The following TSPAN19 variants were observed in gnomAD, a reference collection of about 807,000 sequenced individuals.
The protein encoded by TSPAN19 is tetraspanin 19, also known as tetraspanin-19.
In TSPAN19, 44 loss-of-function variants were observed where a neutral mutation model predicts 35.1. That is an observed-to-expected ratio of 1.25 (90% confidence interval 0.98 to 1.61). TSPAN19 has a LOEUF of 1.61. Among genes scored for constraint, TSPAN19 ranks in the 40% most tolerant of loss-of-function variants. The probability of loss-of-function intolerance (pLI) is 0.00; values close to 1 mark genes in which losing one functional copy is unlikely to be tolerated. For synonymous variants in TSPAN19, 79 were observed against 92.0 expected, an observed-to-expected ratio of 0.86 and a Z score of 0.81; for missense variants, 290 against 280.0, an observed-to-expected ratio of 1.04 and a Z score of -0.26.
intron 1 of TSPAN19, among the ~76,000 whole-genome samples, chr12:85,032,069 C>T (rs1457009816): frequency 6.6e-6 from 1 of 151,998 alleles, no homozygotes; most frequent in Non-Finnish European, 1.5e-5. Context: ...ATGGTAATCA[C>T]TGGAAATTTA....
At chr12:85,027,286 G>A (rs530499640) in intron 4 of TSPAN19, among the ~76,000 whole-genome samples, 36 of 152,160 alleles carry the variant, frequency 2.4e-4, no homozygotes, top group African/African-American at 8.4e-4. Context: ...TTATTAAAGA[G>A]GGGAGGAAAA....
rs1190525059 is a variant in TSPAN19 at position 85,015,973 on chromosome 12, T to C, written c.595-2A>G. ...TGCACTGATTTTATTTTCACAACCC[T>C]AAGAAAAAGAAGTTATTCAGATGGA... On this transcript the variant is annotated splice_acceptor_variant, in intron 7 of 8. Coordinates refer to ENST00000532498, the MANE Select transcript of TSPAN19 (RefSeq NM_001100917.2). LOFTEE classifies it high-confidence loss of function. The C allele has an allele frequency of 6.6e-7, 1 of 1,520,440 alleles. No homozygotes were observed. Among genetic ancestry groups the C allele is most frequent in the East Asian group, 2.5e-5 (1 of 40,642 alleles). The allele number at this position is 1,520,440 out of a possible 1,614,324, so 94.2% of individuals were successfully genotyped here.
intron 5 of TSPAN19, 117 bp from the exon 6 acceptor site, chr12:85,019,853 CT>C: frequency 1.8e-6 from 1 of 551,910 alleles, no homozygotes; most frequent in Non-Finnish European, 3.2e-6. Context: ...TATTATTTTT[CT>C]GTTTTCTGTT....
intron 7 of TSPAN19, 52 bp from the exon 8 acceptor site, chr12:85,016,023 C>T (rs537947251): frequency 8.9e-6 from 10 of 1,117,826 alleles, no homozygotes; most frequent in African/African-American, 6.5e-5. Context: ...TGATCTTATA[C>T]ATAAATCTTT....
At chr12:85,027,565 G>A (rs1411534195) in intron 4 of TSPAN19, among the ~76,000 whole-genome samples, 2 of 151,936 alleles carry the variant, frequency 1.3e-5, no homozygotes, top group South Asian at 4.2e-4. Context: ...ATTCCTCATT[G>A]ACTTGAATAC....
chr12:85,022,352 T>C (rs1238249192), intron 5 of TSPAN19, among the ~76,000 whole-genome samples: 1 of 152,088 alleles, frequency 6.6e-6, no homozygotes, highest in African/African-American at 2.4e-5. Context: ...GGCAATGGTA[T>C]CATACAGAAA....
At chr12:85,026,841 G>C (rs1342703799) in intron 4 of TSPAN19, among the ~76,000 whole-genome samples, 1 of 152,110 alleles carries the variant, frequency 6.6e-6, no homozygotes, top group Non-Finnish European at 1.5e-5. Flanking sequence ...GACCATGTGA[G>C]CTGGGAAAGT....
At chr12:85,025,492 T>A (rs1877360938) in intron 4 of TSPAN19, among the ~76,000 whole-genome samples, 2 of 151,510 alleles carry the variant, frequency 1.3e-5, no homozygotes, top group African/African-American at 4.9e-5. Flanking sequence ...TAGGAGTATG[T>A]TAAATCACCT....
At chr12:85,029,311 T>C (rs1199520186) in intron 3 of TSPAN19, among the ~76,000 whole-genome samples, 3 of 152,116 alleles carry the variant, frequency 2.0e-5, no homozygotes, top group Non-Finnish European at 2.9e-5. Context: ...AATTTTCTTT[T>C]TAAAGTGACA....
chr12:85,017,492 C>A lies in TSPAN19; in HGVS notation c.558G>T (p.Trp186Cys). 8 of 1,608,992 alleles carry A rather than the reference C, an allele frequency of 5.0e-6. No homozygotes were observed. The highest frequency in any genetic ancestry group is 6.8e-6 in the Non-Finnish European group (8 of 1,177,304). ...CSCTKSTLRK[W>C]FCDEPLNATY... is the part of the protein sequence containing the mutation. ...TTGCATTCAGTGGCTCATCACAAAA[C>A]CATTTTCTTAAAGTTGACTTTGTGC... Residue 186 changes from tryptophan to cysteine, a missense_variant, in exon 7 of 9, where the codon TGG (tryptophan) becomes TGT (cysteine). Physicochemically the swap from Trp to Cys is radical, Grantham distance 215. Coordinates refer to ENST00000532498, the MANE Select transcript of TSPAN19 (RefSeq NM_001100917.2).
At chr12:85,028,731 T>A (rs998621428) in intron 3 of TSPAN19, among the ~76,000 whole-genome samples, 10 of 152,162 alleles carry the variant, frequency 6.6e-5, no homozygotes, top group African/African-American at 2.4e-4. Flanking sequence ...GCAAACCAAC[T>A]GAATTCACTT....
intron 5 of TSPAN19, among the ~76,000 whole-genome samples, chr12:85,021,211 C>A (rs1877104336): frequency 6.6e-6 from 1 of 151,924 alleles, no homozygotes; most frequent in Non-Finnish European, 1.5e-5. Context: ...CTTTTGTTTA[C>A]AAGGAGCTGA....
intron 4 of TSPAN19, 96 bp from the exon 5 acceptor site, chr12:85,023,496 A>G: frequency 1.0e-6 from 1 of 988,508 alleles, no homozygotes; most frequent in African/African-American, 1.6e-5. Context: ...GAAATATGCA[A>G]CCATAAAGTA....
chr12:85,034,455 A>G (rs953139370), intron 1 of TSPAN19, among the ~76,000 whole-genome samples: 2 of 152,146 alleles, frequency 1.3e-5, no homozygotes, highest in Non-Finnish European at 2.9e-5. Context: ...TGTACTCTCT[A>G]AAGGAAATAT....
In TSPAN19 at chr12:85,029,830, C is replaced by A. The variant is rs750444824; in HGVS notation, c.67-39G>T. On this transcript the variant is annotated intron_variant, in intron 2 of 8. Coordinates refer to ENST00000532498, the MANE Select transcript of TSPAN19 (RefSeq NM_001100917.2). ...GTCAATGCTTATTTTTTTGTAATTG[C>A]CTATACAATAGATTACATTTTCTTT... The A allele has an allele frequency of 4.6e-6, 7 of 1,525,640 alleles. No homozygotes were observed. In the South Asian group the frequency reaches 8.8e-5, roughly 19 times the overall value. The allele number at this position is 1,525,640 out of a possible 1,614,324, so 94.5% of individuals were successfully genotyped here. A position where few individuals can be genotyped will look rare whatever the true frequency, so the allele number is the denominator to read the frequency against.
rs1217328498 is a variant in TSPAN19, at chr12:85,014,369, TTAA to T, written c.*115_*117del. The stretch of plus-strand genomic sequence containing the variant: ...TTCAGTAATTCAATATTACATATAA[TTAA>T]TAATTTGAATACATCTGTTATTTAA... On this transcript the variant is annotated 3_prime_UTR_variant, in exon 9 of 9. Coordinates refer to ENST00000532498, the MANE Select transcript of TSPAN19 (RefSeq NM_001100917.2). 1 of 622,990 alleles carries T rather than the reference TTAA, an allele frequency of 1.6e-6. No individual in the cohort carries two copies. The highest frequency in any genetic ancestry group is 2.8e-6 in the Non-Finnish European group (1 of 361,686). 38.6% of individuals were successfully genotyped at this position (622,990 alleles called of 1,614,324 possible).
intron 4 of TSPAN19, chr12:85,024,757 CAG>C (rs1415004447): frequency 5.0e-5 from 7 of 141,114 alleles, no homozygotes; most frequent in Admixed American, 2.2e-4. Context: ...AGCCTAGTGA[CAG>C]AGCGAGACTC....
chr12:85,028,278 T>TA (rs901131256), intron 3 of TSPAN19, among the ~76,000 whole-genome samples: 1 of 152,182 alleles, frequency 6.6e-6, no homozygotes, highest in Non-Finnish European at 1.5e-5. Context: ...GCTTTACCCT[T>TA]ATCCTCCTTG....
intron 8 of TSPAN19, chr12:85,014,783 GA>G (rs532605937): frequency 6.9e-4 from 243 of 350,760 alleles, no homozygotes; most frequent in Non-Finnish European, 1.0e-3. Context: ...GGAGAATAAG[GA>G]AAAACCTTTA....
Sources: allele counts gnomAD v4.1 joint callset (sites outside exome capture counted in the v4.1 genomes callset), GRCh38; gene constraint gnomAD v4.1.1; transcripts MANE v1.5; gene names NCBI Gene and HGNC (gene_info 2026-07-23, HGNC 2026-07-21).